Variants in CSTPP1 observed in about 807,000 individuals in gnomAD.
CSTPP1 encodes the protein UPF0705 protein C11orf49.
the CSTPP1 span, chr11:47,161,795 C>A: frequency 5.4e-5 from 76 of 1,412,468 alleles, no homozygotes; most frequent in Non-Finnish European, 6.8e-5. Context: ...CTCTGATGAT[C>A]AGCCCAGCCA....
chr11:47,088,053 C>T, the CSTPP1 span, among the ~76,000 whole-genome samples: 1 of 152,198 alleles, frequency 6.6e-6, no homozygotes, highest in Non-Finnish European at 1.5e-5. Context: ...AAGAAGAGAG[C>T]AAGCAGGAAG....
chr11:47,146,786 G>A, the CSTPP1 span, among the ~76,000 whole-genome samples: 1 of 152,172 alleles, frequency 6.6e-6, no homozygotes, highest in South Asian at 2.1e-4. Context: ...CTCTGCTGAA[G>A]GAAAGAATAA....
the CSTPP1 span, among the ~76,000 whole-genome samples, chr11:47,073,093 T>A: frequency 6.6e-6 from 1 of 152,232 alleles, no homozygotes; most frequent in Non-Finnish European, 1.5e-5. Context: ...TTATATTGTC[T>A]GAGTTTTTAT....
the CSTPP1 span, among the ~76,000 whole-genome samples, chr11:46,939,052 C>T: frequency 1.4e-3 from 206 of 143,828 alleles, 1 homozygote; most frequent in South Asian, 2.3e-3. Context: ...ACTGAGATTA[C>T]AGGTGTGAGT....
the CSTPP1 span, among the ~76,000 whole-genome samples, chr11:47,074,879 A>G: frequency 7.2e-5 from 11 of 152,326 alleles, 1 homozygote; most frequent in East Asian, 1.7e-3. Context: ...CGTTTATTCA[A>G]CAGTATTTTT....
At chr11:47,019,262 G>A in the CSTPP1 span, among the ~76,000 whole-genome samples, 1 of 151,978 alleles carries the variant, frequency 6.6e-6, no homozygotes, top group Non-Finnish European at 1.5e-5. Flanking sequence ...TGCTCGCCTC[G>A]GCCTTACCAA....
the CSTPP1 span, among the ~76,000 whole-genome samples, chr11:46,989,956 G>A: frequency 2.0e-5 from 3 of 152,156 alleles, no homozygotes; most frequent in East Asian, 5.8e-4. Flanking sequence ...CTCCATCCAT[G>A]TTGCTACAAA....
At chr11:47,065,166 A>G in the CSTPP1 span, among the ~76,000 whole-genome samples, 3 of 152,206 alleles carry the variant, frequency 2.0e-5, no homozygotes, top group Admixed American at 1.3e-4. Flanking sequence ...AAAAAATACC[A>G]TTGGAATACC....
the CSTPP1 span, chr11:47,155,745 G>C: frequency 6.1e-6 from 1 of 163,520 alleles, no homozygotes; most frequent in African/African-American, 2.4e-5. Flanking sequence ...CAACCTCGCT[G>C]CTATTTTACT....
chr11:47,054,324 A>G, the CSTPP1 span, among the ~76,000 whole-genome samples: 1 of 151,020 alleles, frequency 6.6e-6, no homozygotes, highest in African/African-American at 2.4e-5. Context: ...AAAAAAAAAA[A>G]AAAAAAAAAG....
chr11:47,119,110 G>A, the CSTPP1 span, among the ~76,000 whole-genome samples: 8 of 151,676 alleles, frequency 5.3e-5, no homozygotes, highest in East Asian at 1.9e-4. Context: ...GGTGGGCTCC[G>A]CCCAGTTTGA....
chr11:46,936,748 G>T, the CSTPP1 span: 123,985 of 1,600,784 alleles, frequency 0.077, 5,536 homozygotes, highest in Middle Eastern at 0.098. Context: ...GGAGAGAGAC[G>T]GCAACCTGGG....
chr11:47,163,704 G>A, the CSTPP1 span, among the ~76,000 whole-genome samples: 5 of 152,152 alleles, frequency 3.3e-5, no homozygotes, highest in South Asian at 2.1e-4. Context: ...GTGCAGTGGC[G>A]CGATCTAGTC....
At chr11:46,980,055 A>G in the CSTPP1 span, among the ~76,000 whole-genome samples, 1 of 152,190 alleles carries the variant, frequency 6.6e-6, no homozygotes, top group Non-Finnish European at 1.5e-5. Context: ...TCCCAAAACT[A>G]TATATAAAAC....
chr11:46,994,855 C>T, the CSTPP1 span, among the ~76,000 whole-genome samples: 1 of 152,152 alleles, frequency 6.6e-6, no homozygotes, highest in East Asian at 1.9e-4. Context: ...GGAATAGTAC[C>T]AGCTCCTCTT....
chr11:47,059,381 T>A, the CSTPP1 span, among the ~76,000 whole-genome samples: 3 of 151,476 alleles, frequency 2.0e-5, no homozygotes, highest in African/African-American at 7.3e-5. Flanking sequence ...AAAACCTGAG[T>A]GGTGTAGAAA....
chr11:47,089,343 C>T, the CSTPP1 span, among the ~76,000 whole-genome samples: 1 of 151,918 alleles, frequency 6.6e-6, no homozygotes, highest in Admixed American at 6.6e-5. Context: ...ATATATGGGT[C>T]CATAATGCCC....
the CSTPP1 span, among the ~76,000 whole-genome samples, chr11:47,017,279 G>T: frequency 6.7e-6 from 1 of 148,864 alleles, no homozygotes; most frequent in Non-Finnish European, 1.5e-5. Context: ...GGTTCAAGCG[G>T]TTCTCCCACC....
chr11:47,090,301 A>G, the CSTPP1 span, among the ~76,000 whole-genome samples: 4 of 152,234 alleles, frequency 2.6e-5, no homozygotes, highest in East Asian at 7.7e-4. Flanking sequence ...TTTGTTCTTT[A>G]AGGGTATCTA....
Sources: gnomAD v4.1 joint callset for allele counts (sites outside exome capture counted in the v4.1 genomes callset) on GRCh38, gnomAD v4.1.1 for gene constraint, MANE v1.5 for transcripts, NCBI Gene and HGNC (gene_info 2026-07-23, HGNC 2026-07-21) for gene names.